Variants in ZSCAN25 observed in about 807,000 individuals in gnomAD.
ZSCAN25 encodes zinc finger and SCAN domain-containing protein 25.
Under a neutral mutation model 38.7 loss-of-function variants are expected in ZSCAN25, and 27 were observed. That is an observed-to-expected ratio of 0.70 (90% CI 0.51 to 0.96). The LOEUF is 0.96. ZSCAN25 is among the 40% of genes least tolerant of loss of function. The pLI, the probability that ZSCAN25 is intolerant of heterozygous loss-of-function variation, is 0.00. For synonymous variants in ZSCAN25, 273 were observed against 277.7 expected (o/e 0.98, Z 0.17); for missense variants, 637 against 705.9 (o/e 0.90, Z 1.11).
the ZSCAN25 span, among the ~76,000 whole-genome samples, chr7:99,637,460 T>C: frequency 3.3e-5 from 5 of 152,188 alleles, no homozygotes; most frequent in African/African-American, 1.2e-4. Context: ...AAGTGTGTCC[T>C]TCATGGGTTA....
the ZSCAN25 span, among the ~76,000 whole-genome samples, chr7:99,700,553 ACCT>A: frequency 2.8e-4 from 43 of 151,770 alleles, no homozygotes; most frequent in East Asian, 5.2e-3. Flanking sequence ...TTCCTTACCA[ACCT>A]CCTCACACAG....
the ZSCAN25 span, chr7:99,662,706 C>T: frequency 2.9e-6 from 3 of 1,044,896 alleles, no homozygotes; most frequent in Admixed American, 5.7e-5. This position sits in a 1 kb window ranked among gnomAD's most constrained non-coding sequence, Gnocchi z 4.3. Context: ...TGTTGTTCTG[C>T]TATGTGGCAA....
At chr7:99,690,716 A>T in the ZSCAN25 span, among the ~76,000 whole-genome samples, 1 of 152,138 alleles carries the variant, frequency 6.6e-6, no homozygotes, top group South Asian at 2.1e-4. Flanking sequence ...TGGCCATCAG[A>T]GAAATGCAAA....
At chr7:99,681,789 T>C in the ZSCAN25 span, among the ~76,000 whole-genome samples, 2 of 152,208 alleles carry the variant, frequency 1.3e-5, no homozygotes, top group African/African-American at 2.4e-5. Flanking sequence ...GCTTTCTTTG[T>C]GGTACAGAAG....
chr7:99,663,511 C>G, the ZSCAN25 span: 3 of 991,362 alleles, frequency 3.0e-6, no homozygotes, highest in Non-Finnish European at 3.6e-6. Context: ...GAAACACTCA[C>G]ATTTACCACA....
the ZSCAN25 span, among the ~76,000 whole-genome samples, chr7:99,651,374 A>G: frequency 1.3e-5 from 2 of 152,210 alleles, no homozygotes; most frequent in African/African-American, 4.8e-5. Flanking sequence ...CAAGTTCCTG[A>G]CACATGGCAA....
the ZSCAN25 span, among the ~76,000 whole-genome samples, chr7:99,667,527 T>G: frequency 2.6e-5 from 4 of 152,212 alleles, no homozygotes; most frequent in East Asian, 5.8e-4. Flanking sequence ...GATTTTTTTT[T>G]GAAAAGTAGG....
At chr7:99,725,842 T>A in the ZSCAN25 span, among the ~76,000 whole-genome samples, 1 of 152,150 alleles carries the variant, frequency 6.6e-6, no homozygotes, top group Non-Finnish European at 1.5e-5. Context: ...GTGTAATCGA[T>A]AGGGGGGATA....
At chr7:99,715,751 C>T in the ZSCAN25 span, 2 of 1,613,530 alleles carry the variant, frequency 1.2e-6, no homozygotes, top group East Asian at 4.5e-5. Context: ...AATAGTAGTC[C>T]ACATACTTAT....
the ZSCAN25 span, among the ~76,000 whole-genome samples, chr7:99,716,778 A>C: frequency 6.6e-6 from 1 of 152,154 alleles, no homozygotes; most frequent in African/African-American, 2.4e-5. Flanking sequence ...AAGTTATTCT[A>C]AGTTCTCCAT....
chr7:99,655,595 G>A, the ZSCAN25 span, among the ~76,000 whole-genome samples: 1 of 152,196 alleles, frequency 6.6e-6, no homozygotes, highest in African/African-American at 2.4e-5. Context: ...CTTTAAAGTA[G>A]TTTTTTCCAG....
At chr7:99,669,044 A>G in the ZSCAN25 span, among the ~76,000 whole-genome samples, 1 of 152,230 alleles carries the variant, frequency 6.6e-6, no homozygotes, top group Non-Finnish European at 1.5e-5. Flanking sequence ...GTTAATTTCC[A>G]TAATAAAAGT....
the ZSCAN25 span, chr7:99,648,152 G>C: frequency 7.2e-7 from 1 of 1,393,078 alleles, no homozygotes; most frequent in Non-Finnish European, 9.4e-7. Context: ...CAGACTCTGG[G>C]AGAGCTCAAT....
the ZSCAN25 span, chr7:99,676,251 T>C: frequency 1.2e-6 from 2 of 1,611,444 alleles, no homozygotes; most frequent in Non-Finnish European, 1.7e-6. Context: ...ATTGTGACTT[T>C]ATAGATCAGA....
the ZSCAN25 span, among the ~76,000 whole-genome samples, chr7:99,683,739 A>G: frequency 6.6e-6 from 1 of 151,950 alleles, no homozygotes; most frequent in Non-Finnish European, 1.5e-5. Context: ...TTGGACTCCC[A>G]CACACAGGCC....
At chr7:99,724,218 T>C in the ZSCAN25 span, among the ~76,000 whole-genome samples, 4 of 152,212 alleles carry the variant, frequency 2.6e-5, no homozygotes, top group Non-Finnish European at 5.9e-5. Context: ...TAAAACCCCC[T>C]TTGACTAACA....
In ZSCAN25 at chr7:99,622,602, C is replaced by A. The variant is rs181468927; in HGVS notation, c.643C>A (p.Gln215Lys). Residue 215 changes from glutamine (Q) to lysine (K), a missense_variant, in exon 6 of 8, where the codon CAA becomes AAA. Gln to Lys is a moderately conservative substitution (Grantham distance 53, BLOSUM62 1). Coordinates refer to ENST00000394152, the MANE Select transcript of ZSCAN25 (RefSeq NM_145115.3). ...PGLPAVNPRD[Q>K]EMAAGFFTAG... ...CCTCCCCGCAGTGAATCCCAGAGAC[C>A]AAGAGATGGCAGCTGGGTTCTTTAC... 2 of 1,614,182 alleles carry A rather than the reference C, an allele frequency of 1.2e-6. No individual in the cohort carries two copies. The highest frequency in any genetic ancestry group is 3.3e-5 in the Admixed American group (2 of 60,022).
the ZSCAN25 span, chr7:99,734,998 A>C: frequency 1.2e-6 from 2 of 1,613,898 alleles, no homozygotes; most frequent in South Asian, 2.2e-5. Context: ...GGAAACAGAG[A>C]AGAGGAGCCT....
At chr7:99,662,739 C>A in the ZSCAN25 span, 66,459 of 1,376,960 alleles carry the variant, frequency 0.048, 4,651 homozygotes, top group East Asian at 0.24. This position sits in a 1 kb window ranked among gnomAD's most constrained non-coding sequence, Gnocchi z 4.3. Context: ...TCCTGGAATA[C>A]TTCCTGCACA....
Sources: allele counts gnomAD v4.1 joint callset (sites outside exome capture counted in the v4.1 genomes callset), GRCh38; gene constraint gnomAD v4.1.1; non-coding constraint Gnocchi (gnomAD v3.1); transcripts MANE v1.5; gene names NCBI Gene and HGNC (gene_info 2026-07-23, HGNC 2026-07-21).